Variants in ATP2A2 observed in about 807,000 individuals in gnomAD.
ATP2A2 encodes sarcoplasmic/endoplasmic reticulum calcium ATPase 2.
Under a neutral mutation model 109.3 loss-of-function variants are expected in ATP2A2, and 14 were observed. That is an observed-to-expected ratio of 0.13 (90% CI 0.08 to 0.20). ATP2A2 has a LOEUF of 0.20. Ranked by LOEUF, ATP2A2 falls within the 10% of genes least tolerant of loss-of-function variation. The pLI is 1.00. For missense variants in ATP2A2, 657 were observed against 1,321.6 expected, an observed-to-expected ratio of 0.50 and a Z score of 7.80; for synonymous variants, 506 against 490.9, an observed-to-expected ratio of 1.03 and a Z score of -0.41.
Position 110,326,409 on chromosome 12 carries a change from C to G in ATP2A2, c.564C>G (p.Ile188Met), listed in dbSNP as rs1330693199. Residue 188 changes from isoleucine to methionine, a missense_variant, in exon 7 of 20, where the codon ATC becomes ATG. Transcript: ENST00000539276. ...GCTTAGGTGAATCTGTCTCTGTCAT[C>G]AAGCACACTGATCCCGTCCCTGACC... is the stretch of plus-strand genomic sequence containing the variant. ...SILTGESVSV[I>M]KHTDPVPDPR... The G allele has an allele frequency of 2.5e-6, 4 of 1,614,038 alleles. No individual in the cohort carries two copies. Among genetic ancestry groups the G allele is most frequent in the Non-Finnish European group, 3.4e-6 (4 of 1,179,958 alleles).
At position 110,333,297 on chromosome 12, in the gene ATP2A2, TA is replaced by T. The variant is rs749792212; in HGVS notation, c.1287+17del. 220 of 1,592,986 alleles carry T rather than the reference TA, an allele frequency of 1.4e-4. No homozygotes were observed. Among genetic ancestry groups the T allele is most frequent in the Non-Finnish European group, 1.8e-4 (208 of 1,161,104 alleles). ...GATTACAATGAGGTAAGTCTCTTCATAAATTAGAAGGAATGGCTGTTCCTAG... is the reference window on the plus strand; with the variant it reads ...GATTACAATGAGGTAAGTCTCTTCATAATTAGAAGGAATGGCTGTTCCTAG... On this transcript the variant is annotated intron_variant, in intron 10 of 19. Transcript: ENST00000539276.
In ATP2A2 at chr12:110,346,511, T is replaced by C; in HGVS notation, c.*41T>C. ...AAAGAAGATGTTTAACTTAATCAAT[T>C]AATTTTTTTATTGTTTAAAGCAACT... is the stretch of plus-strand genomic sequence containing the variant. On this transcript the variant is annotated 3_prime_UTR_variant, in exon 20 of 20. Coordinates refer to ENST00000539276, the MANE Select transcript of ATP2A2 (RefSeq NM_170665.4). 3.1e-6 allele frequency: 5 copies of C among 1,612,142 alleles called. No individual in the cohort carries two copies. The highest frequency in any genetic ancestry group is 1.1e-5 in the South Asian group (1 of 90,800).
Position 110,339,737 on chromosome 12 carries a change from GTTTC to G in ATP2A2, c.1761+20_1761+23del. 6.2e-7 allele frequency: 1 copy of G among 1,612,046 alleles called. No homozygotes were observed. The highest frequency in any genetic ancestry group is 2.2e-5 in the East Asian group (1 of 44,880). On this transcript the variant is annotated intron_variant, in intron 13 of 19. Transcript: ENST00000539276. The surrounding 1 kb of genome is among the most constrained non-coding windows in gnomAD (Gnocchi z 4.4). Reference sequence around the variant, plus strand: ...TAAATATGAGGTTAGCTAATGAAAAGTTTCTTTGTCCACACCCTGCACGATTCAT... The same window carrying G: ...TAAATATGAGGTTAGCTAATGAAAAGTTTGTCCACACCCTGCACGATTCAT...
rs776141596 is a variant in ATP2A2 at position 110,343,096 on chromosome 12, G to A, written c.2319-136G>A. 6.6e-6 allele frequency: 6 copies of A among 907,776 alleles called. No individual in the cohort carries two copies. In the African/African-American group the frequency reaches 1.0e-4, roughly 15 times the overall value. 56.2% of individuals were successfully genotyped at this position (907,776 alleles called of 1,614,324 possible). A position where few individuals can be genotyped will look rare whatever the true frequency, so the allele number is the denominator to read the frequency against. On this transcript the variant is annotated intron_variant, in intron 15 of 19. Transcript: ENST00000539276. ...TAAAATTGAGCTTTAATTCAAAATT[G>A]GGTATAAGTATTTTACAGATTACCT...
At chr12:110,311,577 CAG>C (rs1190997710) in intron 5 of ATP2A2, among the ~76,000 whole-genome samples, 1 of 105,440 alleles carries the variant, frequency 9.5e-6, no homozygotes, top group African/African-American at 3.8e-5. Flanking sequence ...GCCTGGGGGA[CAG>C]AGCGAGACTC....
chr12:110,292,238 G>A (rs1054692213), intron 4 of ATP2A2, 114 bp downstream of exon 4: 78 of 829,584 alleles, frequency 9.4e-5, no homozygotes, highest in Non-Finnish European at 1.3e-4. Flanking sequence ...ATATGTTTGC[G>A]GGAAGTTTAC....
At chr12:110,310,946 T>C (rs533343101) in intron 5 of ATP2A2, among the ~76,000 whole-genome samples, 1 of 152,330 alleles carries the variant, frequency 6.6e-6, no homozygotes, top group South Asian at 2.1e-4. Flanking sequence ...TGGATTCATA[T>C]AAGAACCTGG....
intron 8 of ATP2A2, chr12:110,329,728 T>A (rs571095132): frequency 9.8e-5 from 15 of 152,332 alleles, no homozygotes; most frequent in Non-Finnish European, 1.3e-4. Context: ...GGCCATCCTA[T>A]ATTTTTTGAC....
intron 4 of ATP2A2, among the ~76,000 whole-genome samples, chr12:110,295,312 G>A (rs1873852515): frequency 6.6e-6 from 1 of 152,030 alleles, no homozygotes; most frequent in African/African-American, 2.4e-5. Context: ...CAGGTGTATG[G>A]CACCATGTCA....
Position 110,320,950 on chromosome 12 carries a change from T to C in ATP2A2, c.464-2042T>C, listed in dbSNP as rs79873902. 8.1e-3 allele frequency among the ~76,000 whole-genome samples: 1,234 copies of C among 152,354 alleles called. 1 individual carries two copies. The highest frequency in any genetic ancestry group is 9.5e-3 in the Non-Finnish European group (644 of 68,034). On this transcript the variant is annotated intron_variant, in intron 5 of 19. Transcript: ENST00000539276. ...AAGGTTTAAGAAGTTCAGTGTTGGC[T>C]GGGTGCAGTGGCTCACGCCTGTAAT...
In ATP2A2 at chr12:110,346,648, A is replaced by G; in HGVS notation, c.*178A>G. On this transcript the variant is annotated 3_prime_UTR_variant, in exon 20 of 20. Transcript: ENST00000539276. Reference sequence around the variant, plus strand: ...CAGTGGGGCAAGATTTTCCTTTTTTATACACATAATTAAAGTGTCCATTGA... The same window carrying G: ...CAGTGGGGCAAGATTTTCCTTTTTTGTACACATAATTAAAGTGTCCATTGA... 8 of 1,460,684 alleles carry G rather than the reference A, an allele frequency of 5.5e-6. 1 individual carries two copies. The highest frequency in any genetic ancestry group is 2.9e-5 in the South Asian group (2 of 68,412). The allele number at this position is 1,460,684 out of a possible 1,614,324, so 90.5% of individuals were successfully genotyped here.
Position 110,343,397 on chromosome 12 carries a change from C to T in ATP2A2, c.2484C>T (p.Ile828=), listed in dbSNP as rs772023977. The change falls in exon 16 of 20, where the codon ATC becomes ATT. Residue 828 remains isoleucine (I), a synonymous_variant. Coordinates refer to ENST00000539276, the MANE Select transcript of ATP2A2 (RefSeq NM_170665.4). The part of the protein sequence containing the change: ...KPPRNPKEPL[I]SGWLFFRYLA... ...CCCGGAACCCAAAGGAACCATTGAT[C>T]AGCGGGTGGCTCTTTTTCCGTTACT... The T allele has an allele frequency of 2.5e-6, 4 of 1,614,232 alleles. No homozygotes were observed. In the South Asian group the frequency reaches 4.4e-5, roughly 18 times the overall value.
chr12:110,302,778 T>C (rs1237566006), intron 5 of ATP2A2, among the ~76,000 whole-genome samples: 1 of 152,030 alleles, frequency 6.6e-6, no homozygotes, highest in Non-Finnish European at 1.5e-5. Context: ...TTTGTAGTTG[T>C]AGTAGAGATG....
Position 110,339,520 on chromosome 12 carries a change from C to T in ATP2A2, c.1560C>T (p.Val520=), listed in dbSNP as rs1879152850. 6.2e-7 allele frequency: 1 copy of T among 1,614,032 alleles called. No homozygotes were observed. Among genetic ancestry groups the T allele is most frequent in the Non-Finnish European group, 8.5e-7 (1 of 1,180,004 alleles). ...ATTTCCAGGGTGCTCCTGAAGGTGTCATTGACAGGTGCACCCACATTCGAG... is the reference window on the plus strand; with the variant it reads ...ATTTCCAGGGTGCTCCTGAAGGTGTTATTGACAGGTGCACCCACATTCGAG... ...KMFVKGAPEG[V]IDRCTHIRVG... The change falls in exon 13 of 20, where the codon GTC becomes GTT. Residue 520 remains valine, a synonymous_variant. Coordinates refer to ENST00000539276, the MANE Select transcript of ATP2A2 (RefSeq NM_170665.4). This position sits in a 1 kb window ranked among gnomAD's most constrained non-coding sequence, Gnocchi z 4.4.
chr12:110,321,329 G>A (rs1877222082), intron 5 of ATP2A2, among the ~76,000 whole-genome samples: 2 of 152,214 alleles, frequency 1.3e-5, no homozygotes, highest in African/African-American at 4.8e-5. Context: ...TCAGTATAGA[G>A]AGTAAGTCTG....
At chr12:110,325,583 G>T (rs989261736) in intron 6 of ATP2A2, among the ~76,000 whole-genome samples, 2 of 151,556 alleles carry the variant, frequency 1.3e-5, no homozygotes, top group Non-Finnish European at 2.9e-5. Flanking sequence ...AGCCAAGATT[G>T]TGCCACTGGA....
At chr12:110,320,826 TTAGGCTATAGCA>T (rs1566224371) in intron 5 of ATP2A2, among the ~76,000 whole-genome samples, 4 of 152,232 alleles carry the variant, frequency 2.6e-5, no homozygotes, top group Non-Finnish European at 5.9e-5. Flanking sequence ...CATTGCTTAC[TTAGGCTATAGCA>T]TTGTTTTTAT....
intron 3 of ATP2A2, among the ~76,000 whole-genome samples, chr12:110,289,829 A>G (rs1430708849): frequency 1.3e-5 from 2 of 152,102 alleles, no homozygotes; most frequent in African/African-American, 4.8e-5. Context: ...AGGTTTTTAA[A>G]TTTTTAACCA....
At position 110,332,608 on chromosome 12, in the gene ATP2A2, G is replaced by A; in HGVS notation, c.1107G>A (p.Leu369=). Reference sequence around the variant, plus strand: ...CTCTCCCCCTACAGATGTTCATTCTGGACAGAGTGGAAGGTGATACTTGTT... The same window carrying A: ...CTCTCCCCCTACAGATGTTCATTCTAGACAGAGTGGAAGGTGATACTTGTT... ...NQMSVCRMFI[L]DRVEGDTCSL... Residue 369 remains leucine, a synonymous_variant, in exon 9 of 20, where the codon CTG becomes CTA. Coordinates refer to ENST00000539276, the MANE Select transcript of ATP2A2 (RefSeq NM_170665.4). 2 of 1,612,542 alleles carry A rather than the reference G, an allele frequency of 1.2e-6. No homozygotes were observed. Among genetic ancestry groups the A allele is most frequent in the Non-Finnish European group, 1.7e-6 (2 of 1,178,564 alleles).
Sources: allele counts gnomAD v4.1 joint callset (sites outside exome capture counted in the v4.1 genomes callset), GRCh38; gene constraint gnomAD v4.1.1; non-coding constraint Gnocchi (gnomAD v3.1); transcripts MANE v1.5; gene names NCBI Gene and HGNC (gene_info 2026-07-23, HGNC 2026-07-21).